The following RASGEF1C variants were observed in gnomAD, a reference collection of about 807,000 sequenced individuals.
The protein encoded by RASGEF1C is RasGEF domain family member 1C.
Under a neutral mutation model 58.1 loss-of-function variants are expected in RASGEF1C, and 27 were observed. The observed-to-expected ratio is 0.46, with a 90% CI of 0.34 to 0.64. RASGEF1C has a LOEUF of 0.64. RASGEF1C is among the 30% of genes least tolerant of loss of function. RASGEF1C has a pLI of 0.01. For missense variants in RASGEF1C, 502 were observed against 605.1 expected, an observed-to-expected ratio of 0.83 and a Z score of 1.79; for synonymous variants, 243 against 246.3, an observed-to-expected ratio of 0.99 and a Z score of 0.13.
intron 1 of RASGEF1C, among the ~76,000 whole-genome samples, chr5:180,173,381 G>A (rs1767144188): frequency 6.6e-6 from 1 of 152,166 alleles, no homozygotes; most frequent in African/African-American, 2.4e-5. Flanking sequence ...CAAAGCCTCT[G>A]TGGCTGCCCA....
chr5:180,168,631 A>C lies in RASGEF1C; in HGVS notation c.-6-30573T>G, dbSNP rs954832528. 1.3e-5 allele frequency among the ~76,000 whole-genome samples: 2 copies of C among 152,198 alleles called. No individual in the cohort carries two copies. Among genetic ancestry groups the C allele is most frequent in the Admixed American group, 6.5e-5 (1 of 15,278 alleles). On this transcript the variant is annotated intron_variant, in intron 1 of 13. Coordinates refer to ENST00000361132, the MANE Select transcript of RASGEF1C (RefSeq NM_175062.4). The surrounding 1 kb of genome is among the most constrained non-coding windows in gnomAD (Gnocchi z 6.0). ...TCCAGGGCCAAGGTGTGGGGGTCAG[A>C]GAGTGAAAGAGAAGCCGGGAGTTCA...
At position 180,128,341 on chromosome 5, in the gene RASGEF1C, G is replaced by A. The variant is rs986508394; in HGVS notation, c.639+69C>T. ...TTGTGGGGCTGCTCTGGGAAGCCAG[G>A]GAGGGCACAGTGTATCTGTGTGTGT... On this transcript the variant is annotated intron_variant, in intron 5 of 13. Transcript: ENST00000361132. 36 of 1,411,662 alleles carry A rather than the reference G, an allele frequency of 2.6e-5. No individual in the cohort carries two copies. The African/African-American group carries it at 3.0e-4, about 12-fold the overall frequency. The allele number at this position is 1,411,662 out of a possible 1,614,324, so 87.4% of individuals were successfully genotyped here.
In RASGEF1C at chr5:180,155,400, C is replaced by T. The variant is rs115381058; in HGVS notation, c.-6-17342G>A. On this transcript the variant is annotated intron_variant, in intron 1 of 13. Transcript: ENST00000361132. The surrounding 1 kb of genome is among the most constrained non-coding windows in gnomAD (Gnocchi z 5.2). The stretch of plus-strand genomic sequence containing the variant: ...TGGGGGAACTGCAGCCTCCCTAGGC[C>T]GAGCCCAGATCTGCTTGCGGAGGCT... Among the ~76,000 whole-genome samples, 62 of 152,242 alleles carry T rather than the reference C, an allele frequency of 4.1e-4. No individual in the cohort carries two copies. Among genetic ancestry groups the T allele is most frequent in the African/African-American group, 1.2e-3 (50 of 41,550 alleles).
intron 5 of RASGEF1C, 141 bp from the exon 6 acceptor site, chr5:180,127,824 G>T: frequency 1.3e-6 from 1 of 742,546 alleles, no homozygotes. Flanking sequence ...GGGGCTTGGA[G>T]ACCCTGTTTT....
rs115225465 is a variant in RASGEF1C at position 180,154,967 on chromosome 5, G to T, written c.-6-16909C>A. Among the ~76,000 whole-genome samples the T allele has an allele frequency of 3.1e-3, 470 of 152,256 alleles. 3 individuals carry two copies. The highest frequency in any genetic ancestry group is 0.011 in the African/African-American group (449 of 41,558). On this transcript the variant is annotated intron_variant, in intron 1 of 13. Coordinates refer to ENST00000361132, the MANE Select transcript of RASGEF1C (RefSeq NM_175062.4). ...ACAGCCTGAGTGGAAGACAGACTTG[G>T]CCTGAAGGTTCAGCAGGAAAGCCAG...
At chr5:180,195,454 G>A (rs1352812491) in intron 1 of RASGEF1C, among the ~76,000 whole-genome samples, 3 of 152,130 alleles carry the variant, frequency 2.0e-5, no homozygotes, top group South Asian at 4.1e-4. Context: ...CTTACCTGTA[G>A]CGTGCACGTG....
chr5:180,199,386 TAA>T (rs1756339527), intron 1 of RASGEF1C, among the ~76,000 whole-genome samples: 1 of 152,084 alleles, frequency 6.6e-6, no homozygotes, highest in African/African-American at 2.4e-5. Flanking sequence ...TCCTGGATAT[TAA>T]AATAAGGCCA....
intron 1 of RASGEF1C, among the ~76,000 whole-genome samples, chr5:180,204,868 G>A (rs1756462783): frequency 6.6e-6 from 1 of 152,130 alleles, no homozygotes; most frequent in African/African-American, 2.4e-5. Flanking sequence ...ATTTGTAGAT[G>A]ACAGAATGAC....
At chr5:180,176,617 C>T (rs1036758626) in intron 1 of RASGEF1C, among the ~76,000 whole-genome samples, 1 of 148,788 alleles carries the variant, frequency 6.7e-6, no homozygotes, top group Non-Finnish European at 1.5e-5. Context: ...AGTGCAGTGG[C>T]GCAATCTCGG....
intron 1 of RASGEF1C, among the ~76,000 whole-genome samples, chr5:180,140,429 G>A (rs1358331484): frequency 6.6e-6 from 1 of 152,198 alleles, no homozygotes; most frequent in African/African-American, 2.4e-5. Flanking sequence ...GACAAAGCCC[G>A]ACCTCAGGGA....
In RASGEF1C at chr5:180,158,893, C is replaced by T. The variant is rs1221675989; in HGVS notation, c.-6-20835G>A. Reference sequence around the variant, plus strand: ...TTCTTAGCACTCATTTTTGGACCCCCTGGACTTGTCCTCCAATTTAAAAAA... The same window carrying T: ...TTCTTAGCACTCATTTTTGGACCCCTTGGACTTGTCCTCCAATTTAAAAAA... On this transcript the variant is annotated intron_variant, in intron 1 of 13. Transcript: ENST00000361132. The surrounding 1 kb of genome is among the most constrained non-coding windows in gnomAD (Gnocchi z 4.0). 6.6e-6 allele frequency among the ~76,000 whole-genome samples: 1 copy of T among 152,228 alleles called. No individual in the cohort carries two copies. Among genetic ancestry groups the T allele is most frequent in the South Asian group, 2.1e-4 (1 of 4,822 alleles).
chr5:180,138,504 T>C (rs1024240501), intron 1 of RASGEF1C, among the ~76,000 whole-genome samples: 9 of 152,146 alleles, frequency 5.9e-5, no homozygotes, highest in Non-Finnish European at 1.0e-4. Flanking sequence ...GAGGCTTTCT[T>C]TCCCCCTGGA....
At position 180,148,164 on chromosome 5, in the gene RASGEF1C, C is replaced by T. The variant is rs557578296; in HGVS notation, c.-6-10106G>A. On this transcript the variant is annotated intron_variant, in intron 1 of 13. Transcript: ENST00000361132. ...TTTCTGTTATTAGTATGGCTGCTCC[C>T]ACTCTCTTTTTGTTACTGTTTACAT... 3.0e-4 allele frequency among the ~76,000 whole-genome samples: 45 copies of T among 152,190 alleles called. No individual in the cohort carries two copies. The South Asian group carries it at 9.1e-3, about 31-fold the overall frequency.
chr5:180,197,032 G>A lies in RASGEF1C; in HGVS notation c.-7+11996C>T, dbSNP rs116347724. Among the ~76,000 whole-genome samples, 12,599 of 152,270 alleles carry A rather than the reference G, an allele frequency of 0.083. 698 individuals carry two copies. The highest frequency in any genetic ancestry group is 0.13 in the South Asian group (629 of 4,830). On this transcript the variant is annotated intron_variant, in intron 1 of 13. Coordinates refer to ENST00000361132, the MANE Select transcript of RASGEF1C (RefSeq NM_175062.4). The surrounding 1 kb of genome is among the most constrained non-coding windows in gnomAD (Gnocchi z 4.7). The stretch of plus-strand genomic sequence containing the variant: ...GGGTGTGCTGCCCGAGGCTGGCGTC[G>A]GTGAGGCTCCCCTCAGACCTCACCA...
intron 1 of RASGEF1C, among the ~76,000 whole-genome samples, chr5:180,194,002 G>GTGTGTGTT (rs1756216910): frequency 6.7e-6 from 1 of 148,746 alleles, no homozygotes; most frequent in Non-Finnish European, 1.5e-5. Context: ...ATTCTGTATG[G>GTGTGTGTT]TGTTTGTTTG....
intron 10 of RASGEF1C, among the ~76,000 whole-genome samples, chr5:180,118,382 C>T (rs545774536): frequency 2.0e-4 from 31 of 152,332 alleles, no homozygotes; most frequent in African/African-American, 5.5e-4. Context: ...CCAGGCAGCC[C>T]GGCTTCAGGC....
rs1048968883 is a variant in RASGEF1C, at chr5:180,158,067, G to A, written c.-6-20009C>T. Among the ~76,000 whole-genome samples, 2 of 152,200 alleles carry A rather than the reference G, an allele frequency of 1.3e-5. No homozygotes were observed. The highest frequency in any genetic ancestry group is 6.5e-5 in the Admixed American group (1 of 15,284). On this transcript the variant is annotated intron_variant, in intron 1 of 13. Coordinates refer to ENST00000361132, the MANE Select transcript of RASGEF1C (RefSeq NM_175062.4). This position sits in a 1 kb window ranked among gnomAD's most constrained non-coding sequence, Gnocchi z 4.0. ...TCTGCATGTGTGGAGGCAGGGGGAT[G>A]TGGGAAATCTCTACTTTCTGCTCAG...
In RASGEF1C at chr5:180,177,449, C is replaced by T. The variant is rs554740904; in HGVS notation, c.-7+31579G>A. ...TCTGCCCGGCTGGGCCGCAGCAGTC[C>T]ACGGGCAGGGCAGAGCCCCGGGCTT... is the stretch of plus-strand genomic sequence containing the variant. On this transcript the variant is annotated intron_variant, in intron 1 of 13. Coordinates refer to ENST00000361132, the MANE Select transcript of RASGEF1C (RefSeq NM_175062.4). The surrounding 1 kb of genome is among the most constrained non-coding windows in gnomAD (Gnocchi z 5.0). 6.6e-5 allele frequency among the ~76,000 whole-genome samples: 10 copies of T among 152,356 alleles called. No individual in the cohort carries two copies. The South Asian group carries it at 2.1e-3, about 32-fold the overall frequency.
intron 12 of RASGEF1C, among the ~76,000 whole-genome samples, chr5:180,105,087 T>G (rs557214607): frequency 1.3e-3 from 196 of 152,344 alleles, no homozygotes; most frequent in African/African-American, 4.5e-3. Flanking sequence ...CAGTTTGAGA[T>G]GCAACAGCAA....
Sources: gnomAD v4.1 joint callset for allele counts (sites outside exome capture counted in the v4.1 genomes callset) on GRCh38, gnomAD v4.1.1 for gene constraint, Gnocchi (gnomAD v3.1) non-coding constraint, MANE v1.5 for transcripts, NCBI Gene and HGNC (gene_info 2026-07-23, HGNC 2026-07-21) for gene names.